Variants in CEP120 observed in about 807,000 individuals in gnomAD.
The protein encoded by CEP120 is centrosomal protein of 120 kDa.
A neutral mutation model predicts 126.5 loss-of-function variants in CEP120; 113 were observed. The observed-to-expected ratio is 0.89, with a 90% CI of 0.77 to 1.04. CEP120 has a LOEUF of 1.04. Ranked by LOEUF, CEP120 falls within the 50% of genes least tolerant of loss-of-function variation. The probability of loss-of-function intolerance (pLI) is 0.00; values close to 1 mark genes in which losing one functional copy is unlikely to be tolerated. For synonymous variants in CEP120, 400 were observed against 394.3 expected, an observed-to-expected ratio of 1.01 and a Z score of -0.17; for missense variants, 1,230 against 1,155.7, an observed-to-expected ratio of 1.06 and a Z score of -0.93.
chr5:123,402,565 C>A (rs972330757), intron 4 of CEP120, among the ~76,000 whole-genome samples: 1 of 152,092 alleles, frequency 6.6e-6, no homozygotes, highest in Non-Finnish European at 1.5e-5. Context: ...GCTTGTGCCA[C>A]CAAGCCAGGC....
In CEP120 at chr5:123,346,744, T is replaced by C. The variant is rs758997502; in HGVS notation, c.2736A>G (p.Gln912=). Reference sequence around the variant, plus strand: ...AATCCTGGTATTGTTTTTGCTCTTGTTGCCTTAACCTGAGAAGTCAAGAAC... The same window carrying C: ...AATCCTGGTATTGTTTTTGCTCTTGCTGCCTTAACCTGAGAAGTCAAGAAC... ...DIRNELNRLR[Q]QEQKQYQDST... is the part of the protein sequence containing the mutation. Residue 912 remains glutamine, a synonymous_variant, in exon 20 of 20, where the codon CAA becomes CAG. Transcript: ENST00000306467. 3 of 1,604,992 alleles carry C rather than the reference T, an allele frequency of 1.9e-6. No individual in the cohort carries two copies. The highest frequency in any genetic ancestry group is 1.3e-5 in the African/African-American group (1 of 74,658).
At chr5:123,402,530 G>A (rs377520830) in intron 4 of CEP120, among the ~76,000 whole-genome samples, 3 of 152,050 alleles carry the variant, frequency 2.0e-5, no homozygotes, top group African/African-American at 4.8e-5. Context: ...TGCTGCCTCC[G>A]CCTCCTGAGT....
At chr5:123,394,610 G>C (rs1772644574) in intron 5 of CEP120, among the ~76,000 whole-genome samples, 1 of 152,106 alleles carries the variant, frequency 6.6e-6, no homozygotes, top group Non-Finnish European at 1.5e-5. Context: ...TACACTGTTG[G>C]CTTAAAAAAA....
At chr5:123,394,432 G>T (rs1488200781) in intron 5 of CEP120, among the ~76,000 whole-genome samples, 3 of 152,244 alleles carry the variant, frequency 2.0e-5, no homozygotes, top group Non-Finnish European at 4.4e-5. Flanking sequence ...TGACAATAAG[G>T]TTCGTGCTCC....
At chr5:123,419,560 A>C (rs1274015209) in intron 1 of CEP120, among the ~76,000 whole-genome samples, 2 of 151,870 alleles carry the variant, frequency 1.3e-5, no homozygotes, top group African/African-American at 4.8e-5. Flanking sequence ...AAACAAAAAA[A>C]AAAAAACAGA....
At chr5:123,417,063 C>G (rs925304812) in intron 2 of CEP120, among the ~76,000 whole-genome samples, 5 of 152,030 alleles carry the variant, frequency 3.3e-5, no homozygotes, top group Non-Finnish European at 5.9e-5. Context: ...GCACTTAGCA[C>G]AAAATCATCA....
At chr5:123,397,616 G>A (rs1772872852) in intron 5 of CEP120, among the ~76,000 whole-genome samples, 1 of 152,154 alleles carries the variant, frequency 6.6e-6, no homozygotes. Flanking sequence ...AAGAGTAAAT[G>A]CTCAAAGAAC....
rs539805975 is a variant in CEP120 at position 123,384,111 on chromosome 5, G to A, written c.1763+840C>T. On this transcript the variant is annotated intron_variant, in intron 11 of 19. Coordinates refer to ENST00000306467, the MANE Select transcript of CEP120 (RefSeq NM_001375405.1). ...ATAAAAGTTAATATTCATAACAAAC[G>A]GGCAGCATTAAAATAGCTTCAATTA... Among the ~76,000 whole-genome samples the A allele has an allele frequency of 1.5e-3, 229 of 151,972 alleles. 1 individual carries two copies. The highest frequency in any genetic ancestry group is 5.1e-3 in the African/African-American group (212 of 41,494).
Position 123,363,866 on chromosome 5 carries a change from T to C in CEP120, c.2580+630A>G, listed in dbSNP as rs538424220. Among the ~76,000 whole-genome samples, 14 of 151,678 alleles carry C rather than the reference T, an allele frequency of 9.2e-5. No individual in the cohort carries two copies. The South Asian group carries it at 1.0e-3, about 11-fold the overall frequency. On this transcript the variant is annotated intron_variant, in intron 18 of 19. Transcript: ENST00000306467. Reference sequence around the variant, plus strand: ...CTAACCATTATTAATCTTTAAAAGATTTAGGTCAGTTAGGGTTAGATTCAA... The same window carrying C: ...CTAACCATTATTAATCTTTAAAAGACTTAGGTCAGTTAGGGTTAGATTCAA...
chr5:123,416,296 C>T (rs1368851727), intron 2 of CEP120, among the ~76,000 whole-genome samples, 172 bp from the exon 3 acceptor site: 2 of 152,154 alleles, frequency 1.3e-5, no homozygotes, highest in East Asian at 3.9e-4. Flanking sequence ...GGCGCAATGG[C>T]TCACGCCTGT....
At chr5:123,407,944 T>TA (rs1260758147) in intron 4 of CEP120, among the ~76,000 whole-genome samples, 1 of 152,102 alleles carries the variant, frequency 6.6e-6, no homozygotes, top group Non-Finnish European at 1.5e-5. Context: ...AATATACTTC[T>TA]AAATAACACA....
intron 3 of CEP120, 32 bp from the exon 4 acceptor site, chr5:123,412,572 T>A (rs1472488643): frequency 8.6e-6 from 13 of 1,520,010 alleles, no homozygotes; most frequent in Non-Finnish European, 1.2e-5. Flanking sequence ...AAACACCTAA[T>A]AGTTAATAAG....
intron 1 of CEP120, 97 bp downstream of exon 1, chr5:123,422,853 A>G: frequency 8.8e-7 from 1 of 1,139,938 alleles, no homozygotes; most frequent in Non-Finnish European, 1.3e-6. Flanking sequence ...AAAAGCACAG[A>G]TGACAGGGTT....
chr5:123,378,238 C>T lies in CEP120; in HGVS notation c.2196+98G>A, dbSNP rs1259005045. On this transcript the variant is annotated intron_variant, in intron 15 of 19. Coordinates refer to ENST00000306467, the MANE Select transcript of CEP120 (RefSeq NM_001375405.1). ...AAGCAGCCCATCCTGAGTCCCTTCT[C>T]TCTCGGGACTCTTTTGCATCTAACT... 19 of 836,208 alleles carry T rather than the reference C, an allele frequency of 2.3e-5. No individual in the cohort carries two copies. The South Asian group carries it at 3.5e-4, about 16-fold the overall frequency. 51.8% of individuals were successfully genotyped at this position (836,208 alleles called of 1,614,324 possible).
rs1774839176 is a variant in CEP120 at position 123,423,211 on chromosome 5, C to T, written c.-213G>A. On this transcript the variant is annotated 5_prime_UTR_variant, in exon 1 of 20. Coordinates refer to ENST00000306467, the MANE Select transcript of CEP120 (RefSeq NM_001375405.1). ...GCCAGCCCAGATCCTAACTGTGCCC[C>T]GACTCAAGGAAAAAGCCACGCTGCA... The T allele has an allele frequency of 7.0e-6, 4 of 570,164 alleles. No homozygotes were observed. Among genetic ancestry groups the T allele is most frequent in the African/African-American group, 5.7e-5 (3 of 52,382 alleles). The allele number at this position is 570,164 out of a possible 1,614,324, so 35.3% of individuals were successfully genotyped here.
At position 123,346,361 on chromosome 5, in the gene CEP120, AAAT is replaced by A; in HGVS notation, c.*155_*157del. The A allele has an allele frequency of 1.9e-6, 1 of 519,926 alleles. No homozygotes were observed. The highest frequency in any genetic ancestry group is 3.1e-5 in the East Asian group (1 of 32,510). The allele number at this position is 519,926 out of a possible 1,614,324, so 32.2% of individuals were successfully genotyped here. ...CAGTGTGGGAGAGGTAGCATAAAGT[AAAT>A]AAGATCAAATAAATACTATACAATA... On this transcript the variant is annotated 3_prime_UTR_variant, in exon 20 of 20. Coordinates refer to ENST00000306467, the MANE Select transcript of CEP120 (RefSeq NM_001375405.1).
intron 12 of CEP120, 40 bp from the exon 13 acceptor site, chr5:123,382,929 A>T: frequency 6.2e-7 from 1 of 1,607,296 alleles, no homozygotes; most frequent in South Asian, 1.1e-5. Context: ...ACACTCACAC[A>T]CATATGCACA....
chr5:123,378,659 A>AT (rs1395971523), intron 14 of CEP120, among the ~76,000 whole-genome samples: 1 of 152,114 alleles, frequency 6.6e-6, no homozygotes, highest in East Asian at 1.9e-4. Flanking sequence ...ATAAACACAA[A>AT]TTTTAACTGT....
chr5:123,363,970 T>C (rs1770270341), intron 18 of CEP120, among the ~76,000 whole-genome samples: 1 of 151,580 alleles, frequency 6.6e-6, no homozygotes, highest in Admixed American at 6.6e-5. Flanking sequence ...CTTCTGAAGC[T>C]AACAGCATTT....
Sources: gnomAD v4.1 joint callset for allele counts (sites outside exome capture counted in the v4.1 genomes callset) on GRCh38, gnomAD v4.1.1 for gene constraint, MANE v1.5 for transcripts, NCBI Gene and HGNC (gene_info 2026-07-23, HGNC 2026-07-21) for gene names.